Variants in GPR22 observed in about 807,000 individuals in gnomAD.
The protein encoded by GPR22 is G protein-coupled receptor 22.
A neutral mutation model predicts 31.0 loss-of-function variants in GPR22; 13 were observed. The observed-to-expected ratio is 0.42, with a 90% CI of 0.27 to 0.67. The LOEUF (loss-of-function observed/expected upper bound fraction) is 0.67. Ranked by LOEUF, GPR22 falls within the 30% of genes least tolerant of loss-of-function variation. The pLI is 0.25. For missense variants in GPR22, 368 were observed against 509.6 expected (o/e 0.72, Z 2.67); for synonymous variants, 191 against 173.4 (o/e 1.10, Z -0.80).
rs1796587087 is a variant in GPR22 at position 107,470,775 on chromosome 7, A to C, written c.-958+330A>C. On this transcript the variant is annotated intron_variant, in intron 1 of 2. Coordinates refer to ENST00000304402, the MANE Select transcript of GPR22 (RefSeq NM_005295.3). ...TCTGTTTCTTAAAAGAACTAGGTTT[A>C]CTATTTTGCTGTTACTTATTACTTA... Among the ~76,000 whole-genome samples, 3 of 152,204 alleles carry C rather than the reference A, an allele frequency of 2.0e-5. No homozygotes were observed. In the South Asian group the frequency reaches 6.2e-4, roughly 32 times the overall value.
chr7:107,474,379 C>T lies in GPR22; in HGVS notation c.319C>T (p.Leu107=), dbSNP rs374998885. The T allele has an allele frequency of 7.4e-6, 12 of 1,612,048 alleles. No individual in the cohort carries two copies. The highest frequency in any genetic ancestry group is 4.0e-5 in the African/African-American group (3 of 74,954). ...PLTIVILLLS[L]ESNTALICCF... The stretch of plus-strand genomic sequence containing the variant: ...AACTATAGTTATCCTTCTGCTTTCA[C>T]TGGAGAGTAACACTGCTCTCATTTG... Residue 107 remains leucine, a synonymous_variant, in exon 3 of 3, where the codon CTG becomes TTG. Transcript: ENST00000304402. This position sits in a 1 kb window ranked among gnomAD's most constrained non-coding sequence, Gnocchi z 5.7.
Position 107,475,585 on chromosome 7 carries a change from T to G in GPR22, c.*223T>G, listed in dbSNP as rs2129113834. The G allele has an allele frequency of 2.6e-6, 1 of 392,020 alleles. No individual in the cohort carries two copies. Among genetic ancestry groups the G allele is most frequent in the East Asian group, 4.0e-5 (1 of 25,074 alleles). The allele number at this position is 392,020 out of a possible 1,614,324, so 24.3% of individuals were successfully genotyped here. On this transcript the variant is annotated 3_prime_UTR_variant, in exon 3 of 3. Transcript: ENST00000304402. ...TTAAAGTACTATCATGTGTATATTTTGTCAATATTATGTCCAACAGAAAAT... is the reference window on the plus strand; with the variant it reads ...TTAAAGTACTATCATGTGTATATTTGGTCAATATTATGTCCAACAGAAAAT...
Position 107,474,117 on chromosome 7 carries a change from G to A in GPR22, c.57G>A (p.Val19=). ...INMQSESNIT[V]RDDIDDINTN... ...TGCAGTCTGAATCTAACATTACAGTGCGAGATGACATTGATGACATCAACA... is the reference window on the plus strand; with the variant it reads ...TGCAGTCTGAATCTAACATTACAGTACGAGATGACATTGATGACATCAACA... The change falls in exon 3 of 3, where the codon GTG becomes GTA. Residue 19 remains valine, a synonymous_variant. Transcript: ENST00000304402. The surrounding 1 kb of genome is among the most constrained non-coding windows in gnomAD (Gnocchi z 5.7). 1 of 1,609,038 alleles carries A rather than the reference G, an allele frequency of 6.2e-7. No individual in the cohort carries two copies. The highest frequency in any genetic ancestry group is 8.5e-7 in the Non-Finnish European group (1 of 1,176,590).
At position 107,474,594 on chromosome 7, in the gene GPR22, G is replaced by C. The variant is rs1415990130; in HGVS notation, c.534G>C (p.Glu178Asp). The C allele has an allele frequency of 1.9e-6, 3 of 1,609,940 alleles. No individual in the cohort carries two copies. The highest frequency in any genetic ancestry group is 2.5e-6 in the Non-Finnish European group (3 of 1,178,356). ...SFFSFLIPFI[E>D]VNFFSLQSGN... ...TCTCTTTCCTGATTCCTTTTATTGA[G>C]GTAAATTTTTTCAGTCTTCAAAGTG... The change falls in exon 3 of 3, where the codon GAG (glutamate) becomes GAC (aspartate). Residue 178 changes from glutamate (E) to aspartate (D), a missense_variant. By Grantham distance (45) the Glu-to-Asp change is conservative. Transcript: ENST00000304402. The surrounding 1 kb of genome is among the most constrained non-coding windows in gnomAD (Gnocchi z 5.7).
rs543283306 is a variant in GPR22, at chr7:107,475,677, G to A, written c.*315G>A. The A allele has an allele frequency of 6.2e-4, 127 of 204,576 alleles. 1 individual carries two copies. The highest frequency in any genetic ancestry group is 2.1e-3 in the Middle Eastern group (1 of 482). 12.7% of individuals were successfully genotyped at this position (204,576 alleles called of 1,614,324 possible). ...TTAAAACAGTGTATAACTTTAAAATGTAACTGACATAGGTATCCTTGCTTT... is the reference window on the plus strand; with the variant it reads ...TTAAAACAGTGTATAACTTTAAAATATAACTGACATAGGTATCCTTGCTTT... On this transcript the variant is annotated 3_prime_UTR_variant, in exon 3 of 3. Coordinates refer to ENST00000304402, the MANE Select transcript of GPR22 (RefSeq NM_005295.3).
chr7:107,473,907 A>G lies in GPR22; in HGVS notation c.-26-128A>G, dbSNP rs1796807173. 1.8e-5 allele frequency: 9 copies of G among 512,920 alleles called. No individual in the cohort carries two copies. The South Asian group carries it at 3.4e-4, about 19-fold the overall frequency. The allele number at this position is 512,920 out of a possible 1,614,324, so 31.8% of individuals were successfully genotyped here. A position where few individuals can be genotyped will look rare whatever the true frequency, so the allele number is the denominator to read the frequency against. ...GATGGTTCTTAATTCTACATTTTCT[A>G]TTAATAGTTTACAAACTTAAAAATT... On this transcript the variant is annotated intron_variant, in intron 2 of 2. Transcript: ENST00000304402.
downstream of GPR22, among the ~76,000 whole-genome samples, chr7:107,477,002 A>C (rs1858889): frequency 0.43 from 65,278 of 151,370 alleles, 14,648 homozygotes; most frequent in Non-Finnish European, 0.5. Flanking sequence ...GCAAAAGCCC[A>C]ATTTCCTTCT....
At chr7:107,476,304 G>GAAA (rs5886418), downstream of GPR22, among the ~76,000 whole-genome samples, 2 of 144,074 alleles carry the variant, frequency 1.4e-5, no homozygotes, top group Non-Finnish European at 1.5e-5. Flanking sequence ...TACCAGGAAT[G>GAAA]AAAAAAAAAA....
intron 2 of GPR22, 146 bp from the exon 3 acceptor site, chr7:107,473,889 C>G (rs1051564640): frequency 4.1e-6 from 2 of 484,698 alleles, no homozygotes; most frequent in South Asian, 4.6e-5. Context: ...CTTGATGGTT[C>G]TTAATTCTAC....
chr7:107,475,626 AT>A lies in GPR22; in HGVS notation c.*270del, dbSNP rs1796928686. On this transcript the variant is annotated 3_prime_UTR_variant, in exon 3 of 3. Coordinates refer to ENST00000304402, the MANE Select transcript of GPR22 (RefSeq NM_005295.3). ...AACAGAAAATATTCATGTAAGTCATATTTTTTAAGGAATAAATACATAGCCT... is the reference window on the plus strand; with the variant it reads ...AACAGAAAATATTCATGTAAGTCATATTTTTAAGGAATAAATACATAGCCT... The A allele has an allele frequency of 3.2e-6, 1 of 308,714 alleles. No individual in the cohort carries two copies. The highest frequency in any genetic ancestry group is 2.2e-5 in the African/African-American group (1 of 45,840). The allele number at this position is 308,714 out of a possible 1,614,324, so 19.1% of individuals were successfully genotyped here. A position where few individuals can be genotyped will look rare whatever the true frequency, so the allele number is the denominator to read the frequency against.
chr7:107,474,965 G>A lies in GPR22; in HGVS notation c.905G>A (p.Arg302His), dbSNP rs1317015043. ...CTCCGGCGAGCTGTGAAACGACACCGTGAACGACGAGAAAGACAAAAGAGA... is the reference window on the plus strand; with the variant it reads ...CTCCGGCGAGCTGTGAAACGACACCATGAACGACGAGAAAGACAAAAGAGA... The part of the protein sequence containing the change: ...IALRRAVKRH[R>H]ERRERQKRVF... Residue 302 changes from arginine (R) to histidine (H), a missense_variant, in exon 3 of 3, where the codon CGT becomes CAT. Physicochemically the swap from Arg to His is conservative, Grantham distance 29. Transcript: ENST00000304402. The surrounding 1 kb of genome is among the most constrained non-coding windows in gnomAD (Gnocchi z 5.7). 8 of 1,612,234 alleles carry A rather than the reference G, an allele frequency of 5.0e-6. No individual in the cohort carries two copies. Among genetic ancestry groups the A allele is most frequent in the South Asian group, 2.2e-5 (2 of 90,888 alleles).
At position 107,474,110 on chromosome 7, in the gene GPR22, T is replaced by C; in HGVS notation, c.50T>C (p.Ile17Thr). ...LEINMQSESN[I>T]TVRDDIDDIN... ...ATCAACATGCAGTCTGAATCTAACA[T>C]TACAGTGCGAGATGACATTGATGAC... Residue 17 changes from isoleucine (I) to threonine (T), a missense_variant, in exon 3 of 3, where the codon ATT becomes ACT. Coordinates refer to ENST00000304402, the MANE Select transcript of GPR22 (RefSeq NM_005295.3). The surrounding 1 kb of genome is among the most constrained non-coding windows in gnomAD (Gnocchi z 5.7). The C allele has an allele frequency of 1.2e-6, 2 of 1,606,944 alleles. No homozygotes were observed. Among genetic ancestry groups the C allele is most frequent in the Non-Finnish European group, 1.7e-6 (2 of 1,175,458 alleles).
Position 107,474,111 on chromosome 7 carries a change from T to C in GPR22, c.51T>C (p.Ile17=). Residue 17 remains isoleucine, a synonymous_variant, in exon 3 of 3, where the codon ATT becomes ATC. Transcript: ENST00000304402. This position sits in a 1 kb window ranked among gnomAD's most constrained non-coding sequence, Gnocchi z 5.7. ...TCAACATGCAGTCTGAATCTAACAT[T>C]ACAGTGCGAGATGACATTGATGACA... The part of the protein sequence containing the change: ...LEINMQSESN[I]TVRDDIDDIN... 6.2e-7 allele frequency: 1 copy of C among 1,607,316 alleles called. No individual in the cohort carries two copies. The highest frequency in any genetic ancestry group is 1.1e-5 in the South Asian group (1 of 90,090).
rs1214291832 is a variant in GPR22, at chr7:107,474,157, C to T, written c.97C>T (p.Pro33Ser). The T allele has an allele frequency of 1.2e-6, 2 of 1,609,490 alleles. No homozygotes were observed. The highest frequency in any genetic ancestry group is 3.3e-5 in the Admixed American group (2 of 59,910). The change falls in exon 3 of 3, where the codon CCA becomes TCA. Residue 33 changes from proline (P) to serine (S), a missense_variant. Coordinates refer to ENST00000304402, the MANE Select transcript of GPR22 (RefSeq NM_005295.3). The surrounding 1 kb of genome is among the most constrained non-coding windows in gnomAD (Gnocchi z 5.7). ...IDDINTNMYQ[P>S]LSYPLSFQVS... ...TGACATCAACACCAATATGTACCAA[C>T]CACTATCATATCCGTTAAGCTTTCA...
At chr7:107,476,661 A>C (rs1797015293), downstream of GPR22, among the ~76,000 whole-genome samples, 1 of 151,758 alleles carries the variant, frequency 6.6e-6, no homozygotes, top group Non-Finnish European at 1.5e-5. Flanking sequence ...GATAAGTGTC[A>C]ATATCACTAT....
chr7:107,472,436 T>A (rs1796692203), intron 2 of GPR22, 134 bp downstream of exon 2: 1 of 152,014 alleles, frequency 6.6e-6, no homozygotes, highest in South Asian at 2.1e-4. Context: ...CCACACTGTT[T>A]AACATTTACG....
chr7:107,473,072 G>A (rs1354355222), intron 2 of GPR22: 1 of 151,416 alleles, frequency 6.6e-6, no homozygotes, highest in Non-Finnish European at 1.5e-5. Context: ...TATACAAAAG[G>A]CTTCACAGGT....
Position 107,474,696 on chromosome 7 carries a change from C to A in GPR22, c.636C>A (p.His212Gln). Reference sequence around the variant, plus strand: ...ACACTGAACTGGGAATGTATTATCACCTGTTAGTACAGATCCCAATATTCT... The same window carrying A: ...ACACTGAACTGGGAATGTATTATCAACTGTTAGTACAGATCCCAATATTCT... ...EYYTELGMYY[H>Q]LLVQIPIFFF... Residue 212 changes from histidine to glutamine, a missense_variant, in exon 3 of 3, where the codon CAC becomes CAA. Coordinates refer to ENST00000304402, the MANE Select transcript of GPR22 (RefSeq NM_005295.3). The surrounding 1 kb of genome is among the most constrained non-coding windows in gnomAD (Gnocchi z 5.7). 1.2e-6 allele frequency: 2 copies of A among 1,610,122 alleles called. No homozygotes were observed. The highest frequency in any genetic ancestry group is 1.7e-6 in the Non-Finnish European group (2 of 1,177,148).
At position 107,474,036 on chromosome 7, in the gene GPR22, G is replaced by GA. The variant is rs755887490; in HGVS notation, c.-18dup. The GA allele has an allele frequency of 1.6e-5, 21 of 1,324,026 alleles. No homozygotes were observed. The highest frequency in any genetic ancestry group is 2.3e-5 in the East Asian group (1 of 42,986). 82.0% of individuals were successfully genotyped at this position (1,324,026 alleles called of 1,614,324 possible). On this transcript the variant is annotated splice_region_variant and 5_prime_UTR_variant, in exon 3 of 3. Transcript: ENST00000304402. The surrounding 1 kb of genome is among the most constrained non-coding windows in gnomAD (Gnocchi z 5.7). The stretch of plus-strand genomic sequence containing the variant: ...AGTTTATTCTATTTCACTTTCTAGG[G>GA]AAAAAAACCAACTGCTCCAAAAGAA...
Sources: allele counts gnomAD v4.1 joint callset (sites outside exome capture counted in the v4.1 genomes callset), GRCh38; gene constraint gnomAD v4.1.1; non-coding constraint Gnocchi (gnomAD v3.1); transcripts MANE v1.5; gene names NCBI Gene and HGNC (gene_info 2026-07-23, HGNC 2026-07-21).